SYNDIG1: variants seen among roughly 807,000 people sequenced by gnomAD.
SYNDIG1 encodes the protein synapse differentiation-inducing gene protein 1.
A neutral mutation model predicts 19.4 loss-of-function variants in SYNDIG1; 9 were observed. That is an observed-to-expected ratio of 0.46 (90% CI 0.28 to 0.81). The LOEUF (loss-of-function observed/expected upper bound fraction) is 0.81. Among genes scored for constraint, SYNDIG1 ranks in the 30% least tolerant of loss-of-function variants. The pLI is 0.12. For synonymous variants in SYNDIG1, 141 were observed against 145.9 expected (o/e 0.97, Z 0.24); for missense variants, 311 against 343.3 (o/e 0.91, Z 0.74).
chr20:24,618,200 G>A (rs1309483037), intron 3 of SYNDIG1, among the ~76,000 whole-genome samples: 1 of 144,338 alleles, frequency 6.9e-6, no homozygotes, highest in Admixed American at 6.8e-5. Context: ...AGAGCCTGGG[G>A]AGGGGTAAGA....
intron 1 of SYNDIG1, among the ~76,000 whole-genome samples, chr20:24,487,995 A>G (rs923553957): frequency 4.6e-5 from 7 of 152,232 alleles, no homozygotes; most frequent in African/African-American, 7.2e-5. Context: ...AGGAGAGACC[A>G]GCCAAGAATC....
chr20:24,610,579 G>A (rs1384761889), intron 3 of SYNDIG1, among the ~76,000 whole-genome samples: 1 of 152,150 alleles, frequency 6.6e-6, no homozygotes, highest in Non-Finnish European at 1.5e-5. Flanking sequence ...GATTGTTCTG[G>A]TCCTTAAGCT....
At chr20:24,563,529 C>T (rs1260447393) in intron 2 of SYNDIG1, among the ~76,000 whole-genome samples, 1 of 152,192 alleles carries the variant, frequency 6.6e-6, no homozygotes, top group Non-Finnish European at 1.5e-5. Context: ...TGACCAGCTC[C>T]TCATCCTTAT....
At chr20:24,640,921 C>T (rs78998495) in intron 3 of SYNDIG1, among the ~76,000 whole-genome samples, 453 of 152,364 alleles carry the variant, frequency 3.0e-3, no homozygotes, top group African/African-American at 0.011. Context: ...ATGCACACAA[C>T]TGTTCACTCC....
intron 2 of SYNDIG1, among the ~76,000 whole-genome samples, chr20:24,556,251 C>G (rs2057814381): frequency 6.6e-6 from 1 of 152,160 alleles, no homozygotes; most frequent in Non-Finnish European, 1.5e-5. Context: ...GGTCTTGACT[C>G]TTTATCCAAT....
chr20:24,489,386 CAG>C (rs1186471578), intron 1 of SYNDIG1, among the ~76,000 whole-genome samples: 3 of 149,980 alleles, frequency 2.0e-5, no homozygotes, highest in Non-Finnish European at 2.9e-5. Flanking sequence ...CATGTGGACA[CAG>C]ATACAGACAC....
intron 1 of SYNDIG1, among the ~76,000 whole-genome samples, chr20:24,482,663 C>T (rs2055832556): frequency 6.6e-6 from 1 of 152,096 alleles, no homozygotes; most frequent in African/African-American, 2.4e-5. Context: ...AACTAAATGC[C>T]TGTCAAAAGG....
At chr20:24,655,447 G>A (rs2059515478) in intron 3 of SYNDIG1, among the ~76,000 whole-genome samples, 1 of 152,190 alleles carries the variant, frequency 6.6e-6, no homozygotes, top group Non-Finnish European at 1.5e-5. Context: ...ACAATAGTCG[G>A]TCAGTGATAG....
intron 2 of SYNDIG1, among the ~76,000 whole-genome samples, chr20:24,551,101 T>G (rs1382334138): frequency 3.9e-5 from 6 of 152,216 alleles, no homozygotes; most frequent in Admixed American, 3.9e-4. Context: ...TTTTTGTTTG[T>G]TAGAACTCAC....
At chr20:24,626,709 G>A (rs533040241) in intron 3 of SYNDIG1, among the ~76,000 whole-genome samples, 1 of 152,258 alleles carries the variant, frequency 6.6e-6, no homozygotes, top group Non-Finnish European at 1.5e-5. Context: ...CGGCACTTTG[G>A]GGGGCCAAGG....
At chr20:24,509,561 TTTAC>T (rs1263832317) in intron 1 of SYNDIG1, among the ~76,000 whole-genome samples, 1 of 152,238 alleles carries the variant, frequency 6.6e-6, no homozygotes, top group East Asian at 1.9e-4. Flanking sequence ...ACTCGTGTTC[TTTAC>T]TTACTTTCCA....
intron 2 of SYNDIG1, among the ~76,000 whole-genome samples, chr20:24,576,757 G>A (rs1003116186): frequency 6.6e-5 from 10 of 151,592 alleles, no homozygotes; most frequent in East Asian, 3.9e-4. Flanking sequence ...AGGCCCTGAC[G>A]CCTCCATGGC....
chr20:24,594,085 C>A (rs78760900), intron 3 of SYNDIG1, among the ~76,000 whole-genome samples: 2,499 of 152,148 alleles, frequency 0.016, 28 homozygotes, highest in African/African-American at 0.034. Flanking sequence ...TTTTTGATGT[C>A]TTCACTGTGA....
intron 1 of SYNDIG1, among the ~76,000 whole-genome samples, chr20:24,528,301 A>G (rs117680079): frequency 6.6e-6 from 1 of 152,122 alleles, no homozygotes; most frequent in East Asian, 1.9e-4. Context: ...GAAAGTGTTA[A>G]TACCTACATT....
intron 2 of SYNDIG1, among the ~76,000 whole-genome samples, chr20:24,546,396 C>T (rs778875558): frequency 1.1e-4 from 17 of 152,190 alleles, no homozygotes; most frequent in Non-Finnish European, 1.9e-4. Context: ...TTCTGAGGGT[C>T]GGCAATTGAG....
chr20:24,554,304 T>G (rs1011761328), intron 2 of SYNDIG1, among the ~76,000 whole-genome samples: 16 of 152,188 alleles, frequency 1.1e-4, no homozygotes, highest in African/African-American at 3.4e-4. Context: ...TATTTCCTTC[T>G]CCTGCCTAAT....
intron 2 of SYNDIG1, among the ~76,000 whole-genome samples, chr20:24,546,054 G>GCTGC (rs1252964441): frequency 9.2e-5 from 14 of 152,180 alleles, no homozygotes; most frequent in Non-Finnish European, 2.1e-4. Context: ...ACACATTATG[G>GCTGC]CTGCTGCTGC....
chr20:24,576,364 G>A (rs1042306214), intron 2 of SYNDIG1, among the ~76,000 whole-genome samples: 3 of 152,190 alleles, frequency 2.0e-5, no homozygotes, highest in Non-Finnish European at 4.4e-5. Flanking sequence ...ACATTTTAAC[G>A]ACATTGCCCA....
At chr20:24,586,553 T>C (rs989284630) in intron 3 of SYNDIG1, among the ~76,000 whole-genome samples, 1 of 152,226 alleles carries the variant, frequency 6.6e-6, no homozygotes, top group African/African-American at 2.4e-5. Flanking sequence ...TGCACCCTGA[T>C]GCTGCCAATA....
Sources: allele counts gnomAD v4.1 joint callset (sites outside exome capture counted in the v4.1 genomes callset), GRCh38; gene constraint gnomAD v4.1.1; transcripts MANE v1.5; gene names NCBI Gene and HGNC (gene_info 2026-07-23, HGNC 2026-07-21).